The following DNAH1 variants were observed in gnomAD, a reference collection of about 807,000 sequenced individuals.
DNAH1 encodes the protein axonemal beta dynein heavy chain 1.
Under a neutral mutation model 484.3 loss-of-function variants are expected in DNAH1, and 327 were observed. The ratio of observed to expected loss-of-function variants is 0.68; its 90% confidence interval spans 0.62 to 0.74. DNAH1 has a LOEUF of 0.74. Among genes scored for constraint, DNAH1 ranks in the 30% least tolerant of loss-of-function variants. DNAH1 has a pLI of 0.00. For synonymous variants in DNAH1, 2,192 were observed against 2,191.9 expected (o/e 1.00, Z 0.00); for missense variants, 5,052 against 5,546.8 (o/e 0.91, Z 2.83).
rs1008477566 is a variant in DNAH1, at chr3:52,355,779, C to A, written c.3693+724C>A. Among the ~76,000 whole-genome samples the A allele has an allele frequency of 1.3e-5, 2 of 152,238 alleles. No individual in the cohort carries two copies. Among genetic ancestry groups the A allele is most frequent in the Non-Finnish European group, 2.9e-5 (2 of 68,050 alleles). ...GTCCACTCGACCTGGAGTTTGACAC[C>A]CGCCTTCCATCTCCTCCAAGGCCCA... On this transcript the variant is annotated intron_variant, in intron 21 of 77. Transcript: ENST00000420323. This position sits in a 1 kb window ranked among gnomAD's most constrained non-coding sequence, Gnocchi z 4.5.
rs758253189 is a variant in DNAH1, at chr3:52,354,875, C to CATCCTG, written c.3514_3519dup (p.Ile1172_Leu1173dup). 4 of 1,613,812 alleles carry CATCCTG rather than the reference C, an allele frequency of 2.5e-6. No individual in the cohort carries two copies. The African/African-American group carries it at 5.3e-5, about 22-fold the overall frequency. ...ACAAGATGGAGAAGGAGTGGTCGAC[C>CATCCTG]ATCCTGTTCAATGTACTGCCCTACA... On this transcript the variant is annotated inframe_insertion, in exon 21 of 78. Transcript: ENST00000420323.
rs765753155 is a variant in DNAH1 at position 52,364,980 on chromosome 3, C to T, written c.5479C>T (p.Arg1827Cys). The change falls in exon 34 of 78, where the codon CGC becomes TGC. Residue 1827 changes from arginine (R) to cysteine (C), a missense_variant. Around this residue, in one of 4 missense-constraint regions of DNAH1, gnomAD observed 2,929 missense variants for 3,409.4 expected, o/e 0.86. Transcript: ENST00000420323. This position sits in a 1 kb window ranked among gnomAD's most constrained non-coding sequence, Gnocchi z 4.2. ...CTACGGCATCCTGGATGAGGCCATC[C>T]GCGAGGCCTGCAGGAACAGCAACCT... ...TDYGILDEAI[R>C]EACRNSNLKD... 5.6e-5 allele frequency: 91 copies of T among 1,613,444 alleles called. 1 individual carries two copies. The South Asian group carries it at 8.8e-4, about 16-fold the overall frequency.
chr3:52,337,111 G>A (rs1282983831), intron 8 of DNAH1, among the ~76,000 whole-genome samples: 5 of 152,150 alleles, frequency 3.3e-5, no homozygotes, highest in African/African-American at 1.2e-4. Flanking sequence ...TCTTTTAGCA[G>A]TGTTTTGTAG....
chr3:52,378,590 C>G lies in DNAH1; in HGVS notation c.7199-12C>G, dbSNP rs750827755. The G allele has an allele frequency of 6.2e-7, 1 of 1,613,006 alleles. No individual in the cohort carries two copies. On this transcript the variant is annotated splice_polypyrimidine_tract_variant and intron_variant, in intron 46 of 77. Transcript: ENST00000420323. The stretch of plus-strand genomic sequence containing the variant: ...CTGGCATGTGACCCAGGCCATTCTC[C>G]TATTCCCCCAGCTGGGGCCCCCCAC...
chr3:52,373,136 A>G (rs2153224820), intron 44 of DNAH1, 83 bp downstream of exon 44: 5 of 1,443,406 alleles, frequency 3.5e-6, no homozygotes, highest in East Asian at 5.1e-5. Context: ...GAAGGCCTAC[A>G]ATACTTTAAG....
At chr3:52,385,067 G>A (rs936021729) in intron 53 of DNAH1, 90 bp downstream of exon 53, 61 of 1,426,694 alleles carry the variant, frequency 4.3e-5, no homozygotes, top group Admixed American at 7.1e-5. Flanking sequence ...ACCATGCTCC[G>A]CCTTTCAAAC....
At position 52,352,074 on chromosome 3, in the gene DNAH1, A is replaced by G. The variant is rs1340945041; in HGVS notation, c.2842A>G (p.Asn948Asp). The G allele has an allele frequency of 6.3e-7, 1 of 1,584,358 alleles. No homozygotes were observed. The highest frequency in any genetic ancestry group is 1.3e-5 in the African/African-American group (1 of 74,340). Residue 948 changes from asparagine (N) to aspartate (D), a missense_variant, in exon 17 of 78, where the codon AAC (asparagine) becomes GAC (aspartate). This residue lies in a region of DNAH1 where 1,263 missense variants were observed against 1,218.8 expected (regional missense o/e 1.04). Transcript: ENST00000420323. ...FRKIQIMDQN[N>D]FQEKLEGLQL... The stretch of plus-strand genomic sequence containing the variant: ...CAAAATCCAGATCATGGATCAGAAC[A>G]ACTTCCAAGAGAAGCTGGAAGGGCT...
upstream of DNAH1, among the ~76,000 whole-genome samples, chr3:52,315,752 A>G (rs976796176): frequency 7.9e-5 from 12 of 152,166 alleles, no homozygotes; most frequent in African/African-American, 2.9e-4. Flanking sequence ...CCAGGGAGCA[A>G]GGTAAGTATG....
chr3:52,391,815 C>T (rs989669839), intron 63 of DNAH1, among the ~76,000 whole-genome samples: 2 of 152,296 alleles, frequency 1.3e-5, no homozygotes, highest in African/African-American at 2.4e-5. Flanking sequence ...CCTTCATCCC[C>T]ACCTCATCCA....
chr3:52,383,161 A>C (rs1024410440), intron 50 of DNAH1, among the ~76,000 whole-genome samples: 2 of 152,196 alleles, frequency 1.3e-5, no homozygotes, highest in African/African-American at 2.4e-5. Context: ...GTGAGGACCC[A>C]GTGTCCTGCC....
At chr3:52,322,812 C>T in intron 2 of DNAH1, 37 bp downstream of exon 2, 3 of 1,540,064 alleles carry the variant, frequency 1.9e-6, no homozygotes, top group East Asian at 2.4e-5. Flanking sequence ...AGCCTCAACC[C>T]TTCCTCTGGG....
At position 52,398,062 on chromosome 3, in the gene DNAH1, C is replaced by T; in HGVS notation, c.11989C>T (p.Leu3997Phe). 1.2e-6 allele frequency: 2 copies of T among 1,613,892 alleles called. No individual in the cohort carries two copies. The highest frequency in any genetic ancestry group is 8.5e-7 in the Non-Finnish European group (1 of 1,179,862). Residue 3997 changes from leucine to phenylalanine, a missense_variant, in exon 75 of 78, where the codon CTC (leucine) becomes TTC (phenylalanine). Leu to Phe is a conservative substitution (Grantham distance 22). Around this residue, in one of 4 missense-constraint regions of DNAH1, gnomAD observed 853 missense variants for 899.0 expected, o/e 0.95. Transcript: ENST00000420323. Reference protein sequence around the residue: ...IVEDVTQNILLKVPEPINLQW... With the variant: ...IVEDVTQNILFKVPEPINLQW... ...GGAGGACGTCACCCAAAACATTCTG[C>T]TCAAGGTGCCTGAGCCTATCAACTT...
intron 44 of DNAH1, chr3:52,374,166 A>C: frequency 7.8e-7 from 1 of 1,274,130 alleles, no homozygotes; most frequent in East Asian, 2.3e-5. Flanking sequence ...ATCAGAAAAC[A>C]GATAAATAAT....
At position 52,361,715 on chromosome 3, in the gene DNAH1, G is replaced by A. The variant is rs764774433; in HGVS notation, c.4929G>A (p.Leu1643=). The A allele has an allele frequency of 1.9e-5, 30 of 1,611,560 alleles. 1 individual carries two copies. The East Asian group carries it at 2.2e-4, about 12-fold the overall frequency. Reference sequence around the variant, plus strand: ...TCAATCGCATCGACATCGAGGTGCTGTCTGTGGTGGCGCAGCAGATCACCA... The same window carrying A: ...TCAATCGCATCGACATCGAGGTGCTATCTGTGGTGGCGCAGCAGATCACCA... ...DEFNRIDIEV[L]SVVAQQITTI... is the part of the protein sequence containing the mutation. Residue 1643 remains leucine (L), a synonymous_variant, in exon 30 of 78, where the codon CTG becomes CTA. Transcript: ENST00000420323. The surrounding 1 kb of genome is among the most constrained non-coding windows in gnomAD (Gnocchi z 5.6).
rs566553235 is a variant in DNAH1 at position 52,346,891 on chromosome 3, G to A, written c.1955+121G>A. 2.2e-4 allele frequency: 244 copies of A among 1,113,300 alleles called. 2 individuals carry two copies. In the African/African-American group the frequency reaches 3.4e-3, roughly 15 times the overall value. The allele number at this position is 1,113,300 out of a possible 1,614,324, so 69.0% of individuals were successfully genotyped here. On this transcript the variant is annotated intron_variant, in intron 11 of 77. Coordinates refer to ENST00000420323, the MANE Select transcript of DNAH1 (RefSeq NM_015512.5). The stretch of plus-strand genomic sequence containing the variant: ...TCCATGCCAGGTCCCAGGCAGTAAG[G>A]AGAGCCGAGCTCCCTGCAGGCTGCT...
Position 52,358,019 on chromosome 3 carries a change from CG to C in DNAH1, c.4086+20del. The stretch of plus-strand genomic sequence containing the variant: ...CATCGCTCGGGTGGGCAGCTGGGCC[CG>C]GGGCTCAGGGCTGGGAGCATGGGGC... On this transcript the variant is annotated intron_variant, in intron 24 of 77. Transcript: ENST00000420323. The surrounding 1 kb of genome is among the most constrained non-coding windows in gnomAD (Gnocchi z 4.2). 1 of 1,584,418 alleles carries C rather than the reference CG, an allele frequency of 6.3e-7. No individual in the cohort carries two copies. The highest frequency in any genetic ancestry group is 8.6e-7 in the Non-Finnish European group (1 of 1,161,082).
chr3:52,369,152 A>G (rs900483316), intron 37 of DNAH1, among the ~76,000 whole-genome samples: 3 of 151,996 alleles, frequency 2.0e-5, no homozygotes, highest in African/African-American at 7.2e-5. Flanking sequence ...TGCTCAGAGC[A>G]CCCTTTACAC....
chr3:52,374,836 G>T, intron 44 of DNAH1: 1 of 1,100,728 alleles, frequency 9.1e-7, no homozygotes, highest in Non-Finnish European at 1.4e-6. Flanking sequence ...ATGGAAGTAC[G>T]AGAAGAAGCA....
rs768030941 is a variant in DNAH1 at position 52,358,693 on chromosome 3, A to G, written c.4222A>G (p.Ser1408Gly). The G allele has an allele frequency of 9.3e-6, 15 of 1,613,012 alleles. No individual in the cohort carries two copies. The Admixed American group carries it at 2.2e-4, about 23-fold the overall frequency. The change falls in exon 25 of 78, where the codon AGT becomes GGT. Residue 1408 changes from serine (S) to glycine (G), a missense_variant. This residue lies in a region of DNAH1 where 2,929 missense variants were observed against 3,409.4 expected (regional missense o/e 0.86). Transcript: ENST00000420323. This position sits in a 1 kb window ranked among gnomAD's most constrained non-coding sequence, Gnocchi z 4.2. ...GGAGGTGGAGCGCAGCATGAAGGCC[A>G]GTGTGCACGACATCATTGAGAAGGC... ...LREVERSMKA[S>G]VHDIIEKAIR...
Sources: allele counts gnomAD v4.1 joint callset (sites outside exome capture counted in the v4.1 genomes callset), GRCh38; gene constraint gnomAD v4.1.1; regional missense constraint gnomAD v4.1.1; non-coding constraint Gnocchi (gnomAD v3.1); transcripts MANE v1.5; gene names NCBI Gene and HGNC (gene_info 2026-07-23, HGNC 2026-07-21).